Variants in GPC6 observed in about 807,000 individuals in gnomAD.
The protein encoded by GPC6 is glypican 6.
GPC6 carries 14 observed loss-of-function variants against 55.2 expected under a neutral mutation model. The observed-to-expected ratio is 0.25, with a 90% CI of 0.17 to 0.40. The LOEUF is 0.40. Among genes scored for constraint, GPC6 ranks in the 10% least tolerant of loss-of-function variants. The pLI is 1.00. For synonymous variants in GPC6, 278 were observed against 259.6 expected (o/e 1.07, Z -0.68); for missense variants, 641 against 708.5 (o/e 0.90, Z 1.08).
At chr13:93,318,523 A>G (rs565397633) in intron 1 of GPC6, among the ~76,000 whole-genome samples, 10 of 152,220 alleles carry the variant, frequency 6.6e-5, no homozygotes, top group Non-Finnish European at 1.0e-4. Flanking sequence ...ATATCTCACT[A>G]AGGCTAAAAT....
chr13:94,386,200 A>C (rs577502493), intron 7 of GPC6, among the ~76,000 whole-genome samples: 6 of 152,210 alleles, frequency 3.9e-5, no homozygotes, highest in African/African-American at 1.4e-4. Flanking sequence ...TCTACTAAAA[A>C]ATACAAAAAA....
chr13:94,077,572 T>A (rs1171711283), intron 4 of GPC6, among the ~76,000 whole-genome samples: 1 of 151,884 alleles, frequency 6.6e-6, no homozygotes, highest in African/African-American at 2.4e-5. Flanking sequence ...AGCTTTCAGC[T>A]TCTCATCTTT....
Position 93,516,096 on chromosome 13 carries a change from A to G in GPC6, c.161-29167A>G, listed in dbSNP as rs560789254. On this transcript the variant is annotated intron_variant, in intron 1 of 8. Transcript: ENST00000377047. ...AACTCTGTTACTGTAGAAGCTTGCC[A>G]TGTGAAAAATTCATTAGCAGCAAGT... 2.6e-5 allele frequency among the ~76,000 whole-genome samples: 4 copies of G among 152,306 alleles called. No homozygotes were observed. The East Asian group carries it at 7.7e-4, about 29-fold the overall frequency.
intron 4 of GPC6, among the ~76,000 whole-genome samples, chr13:94,156,715 T>C (rs1318221989): frequency 6.6e-6 from 1 of 152,210 alleles, no homozygotes; most frequent in African/African-American, 2.4e-5. Flanking sequence ...TAAGTGTGCC[T>C]ATTTATATTC....
Position 93,833,608 on chromosome 13 carries a change from G to C in GPC6, c.711+3063G>C, listed in dbSNP as rs982165678. 2.6e-5 allele frequency among the ~76,000 whole-genome samples: 4 copies of C among 151,812 alleles called. No homozygotes were observed. In the South Asian group the frequency reaches 8.3e-4, roughly 32 times the overall value. Reference sequence around the variant, plus strand: ...TCTTCAGTTTCTCTCTACATTTATGGTGACTTTTTAATCTTGAAAGACATC... The same window carrying C: ...TCTTCAGTTTCTCTCTACATTTATGCTGACTTTTTAATCTTGAAAGACATC... On this transcript the variant is annotated intron_variant, in intron 3 of 8. Coordinates refer to ENST00000377047, the MANE Select transcript of GPC6 (RefSeq NM_005708.5).
intron 2 of GPC6, among the ~76,000 whole-genome samples, chr13:93,778,175 G>A (rs1885526573): frequency 6.6e-6 from 1 of 152,284 alleles, no homozygotes; most frequent in South Asian, 2.1e-4. Flanking sequence ...GGATGTTCAA[G>A]ATAGAGGGGC....
Position 94,286,612 on chromosome 13 carries a change from C to T in GPC6, c.1008+133C>T, listed in dbSNP as rs2139084978. On this transcript the variant is annotated intron_variant, in intron 5 of 8. Coordinates refer to ENST00000377047, the MANE Select transcript of GPC6 (RefSeq NM_005708.5). ...CTGTCAGCGAGCTTTTCCTGTTGAG[C>T]CACAAATTTGCTACTTCATTAAAAA... 6.4e-6 allele frequency: 5 copies of T among 781,654 alleles called. No homozygotes were observed. The South Asian group carries it at 9.2e-5, about 14-fold the overall frequency. 48.4% of individuals were successfully genotyped at this position (781,654 alleles called of 1,614,324 possible).
intron 4 of GPC6, among the ~76,000 whole-genome samples, chr13:94,084,632 T>TGTTTGTTG (rs1885219070): frequency 6.6e-6 from 1 of 151,718 alleles, no homozygotes. Context: ...TTTGTTTGTT[T>TGTTTGTTG]TGCGTGTCCT....
At chr13:94,110,241 T>A (rs186260114) in intron 4 of GPC6, among the ~76,000 whole-genome samples, 64 of 151,816 alleles carry the variant, frequency 4.2e-4, no homozygotes, top group Non-Finnish European at 7.5e-4. Context: ...AAATGTGAAA[T>A]CATTGTCAAG....
chr13:93,439,076 T>A (rs904074651), intron 1 of GPC6, among the ~76,000 whole-genome samples: 3 of 152,214 alleles, frequency 2.0e-5, no homozygotes, highest in Non-Finnish European at 4.4e-5. Flanking sequence ...GTATGTACAT[T>A]GTTTTTTAGA....
chr13:93,836,338 C>T (rs187124736), intron 3 of GPC6, among the ~76,000 whole-genome samples: 1 of 152,244 alleles, frequency 6.6e-6, no homozygotes, highest in African/African-American at 2.4e-5. Context: ...TTCTATTTAG[C>T]GTTTGCTTTT....
At chr13:93,997,698 A>G (rs1881621427) in intron 3 of GPC6, among the ~76,000 whole-genome samples, 3 of 152,152 alleles carry the variant, frequency 2.0e-5, no homozygotes, top group Admixed American at 6.6e-5. Context: ...GCTTTTTAGC[A>G]ATATAGTAGT....
At chr13:93,925,039 A>C (rs1877780645) in intron 3 of GPC6, among the ~76,000 whole-genome samples, 1 of 152,202 alleles carries the variant, frequency 6.6e-6, no homozygotes, top group South Asian at 2.1e-4. Context: ...CATATTTAAA[A>C]GGTTATCATT....
chr13:94,274,353 CTTT>C (rs964257399), intron 4 of GPC6, among the ~76,000 whole-genome samples: 12 of 152,264 alleles, frequency 7.9e-5, no homozygotes, highest in Admixed American at 7.8e-4. Context: ...ATTAAATTCT[CTTT>C]TATTTGGCCT....
At chr13:93,683,898 T>C (rs1881946115) in intron 2 of GPC6, among the ~76,000 whole-genome samples, 1 of 152,078 alleles carries the variant, frequency 6.6e-6, no homozygotes. Context: ...CATGGTTGGG[T>C]TCTGGTGAAA....
At chr13:93,963,366 A>G (rs867770699) in intron 3 of GPC6, among the ~76,000 whole-genome samples, 3 of 152,180 alleles carry the variant, frequency 2.0e-5, no homozygotes, top group South Asian at 2.1e-4. Context: ...GTACAATGAT[A>G]TAGGCTCTGA....
chr13:93,344,048 T>C (rs1322562690), intron 1 of GPC6, among the ~76,000 whole-genome samples: 1 of 152,174 alleles, frequency 6.6e-6, no homozygotes, highest in African/African-American at 2.4e-5. Context: ...TTAACTGAAA[T>C]TTTGATATCC....
intron 1 of GPC6, among the ~76,000 whole-genome samples, chr13:93,351,653 A>G (rs1045981613): frequency 6.6e-6 from 1 of 152,192 alleles, no homozygotes; most frequent in African/African-American, 2.4e-5. Flanking sequence ...AATTACACTG[A>G]TCTGATGACT....
In GPC6 at chr13:93,783,804, T is replaced by C. The variant is rs1234132440; in HGVS notation, c.320-46350T>C. ...AACCTACTGAACATATTTATGCTTC[T>C]GTGCTTTACTGATTCTGTTCCCTCT... On this transcript the variant is annotated intron_variant, in intron 2 of 8. Transcript: ENST00000377047. 3.3e-5 allele frequency among the ~76,000 whole-genome samples: 5 copies of C among 152,342 alleles called. No individual in the cohort carries two copies. The East Asian group carries it at 9.6e-4, about 29-fold the overall frequency.
Sources: allele counts gnomAD v4.1 joint callset (sites outside exome capture counted in the v4.1 genomes callset), GRCh38; gene constraint gnomAD v4.1.1; transcripts MANE v1.5; gene names NCBI Gene and HGNC (gene_info 2026-07-23, HGNC 2026-07-21).